KCNK2: variants seen among roughly 807,000 people sequenced by gnomAD.
The protein encoded by KCNK2 is potassium two pore domain channel subfamily K member 2.
Under a neutral mutation model 40.5 loss-of-function variants are expected in KCNK2, and 21 were observed. The ratio of observed to expected loss-of-function variants is 0.52; its 90% CI spans 0.37 to 0.75. KCNK2 has a LOEUF of 0.75. KCNK2 is among the 30% of genes least tolerant of loss of function. The probability of loss-of-function intolerance (pLI) is 0.00; values close to 1 mark genes in which losing one functional copy is unlikely to be tolerated. For synonymous variants in KCNK2, 191 were observed against 202.2 expected (o/e 0.94, Z 0.47); for missense variants, 399 against 531.6 (o/e 0.75, Z 2.45).
At chr1:215,037,971 G>A (rs1571862853) in intron 1 of KCNK2, among the ~76,000 whole-genome samples, 2 of 151,800 alleles carry the variant, frequency 1.3e-5, no homozygotes, top group Non-Finnish European at 2.9e-5. Context: ...TACCTTAGGT[G>A]GTAGAAGGCA....
chr1:215,230,544 C>T (rs559967762), intron 6 of KCNK2, among the ~76,000 whole-genome samples: 20,870 of 109,192 alleles, frequency 0.19, 2,620 homozygotes, highest in African/African-American at 0.27. Context: ...TATATATATA[C>T]ACACACATAA....
chr1:215,211,074 C>T (rs1665724546), intron 6 of KCNK2, among the ~76,000 whole-genome samples: 2 of 152,082 alleles, frequency 1.3e-5, no homozygotes, highest in Admixed American at 1.3e-4. Flanking sequence ...AAACATGAGT[C>T]GTATCATGTT....
intron 2 of KCNK2, among the ~76,000 whole-genome samples, chr1:215,088,111 C>A (rs1171956483): frequency 6.6e-6 from 1 of 151,934 alleles, no homozygotes; most frequent in African/African-American, 2.4e-5. Context: ...CTTCCCTGGT[C>A]CCATGTAAGA....
At chr1:215,059,376 T>C (rs1658289793) in intron 1 of KCNK2, among the ~76,000 whole-genome samples, 1 of 152,160 alleles carries the variant, frequency 6.6e-6, no homozygotes, top group African/African-American at 2.4e-5. Flanking sequence ...TTATAGGTAA[T>C]CAACCCTATA....
At chr1:215,065,724 A>C (rs1384780253) in intron 1 of KCNK2, among the ~76,000 whole-genome samples, 1 of 152,208 alleles carries the variant, frequency 6.6e-6, no homozygotes, top group Non-Finnish European at 1.5e-5. Context: ...TTAGATGGCA[A>C]AATTTGGACA....
Position 215,169,984 on chromosome 1 carries a change from C to T in KCNK2, c.636+625C>T, listed in dbSNP as rs1434942331. Among the ~76,000 whole-genome samples, 3 of 152,158 alleles carry T rather than the reference C, an allele frequency of 2.0e-5. No homozygotes were observed. The East Asian group carries it at 5.8e-4, about 29-fold the overall frequency. ...ATATGTAGTGTCTCCCAGCTATATT[C>T]TCTTAAACTAGTTATTATCCCATCA... On this transcript the variant is annotated intron_variant, in intron 4 of 6. Coordinates refer to ENST00000444842, the MANE Select transcript of KCNK2 (RefSeq NM_001017425.3).
At chr1:215,131,293 A>C (rs1212649032) in intron 3 of KCNK2, among the ~76,000 whole-genome samples, 1 of 149,406 alleles carries the variant, frequency 6.7e-6, no homozygotes, top group African/African-American at 2.4e-5. Context: ...ATGTAAGAAG[A>C]TTTTATTACT....
At chr1:215,229,460 T>C (rs1237392609) in intron 6 of KCNK2, among the ~76,000 whole-genome samples, 1 of 151,942 alleles carries the variant, frequency 6.6e-6, no homozygotes, top group Non-Finnish European at 1.5e-5. Flanking sequence ...GCTCACAAGA[T>C]TGAGACCAGC....
intron 1 of KCNK2, among the ~76,000 whole-genome samples, chr1:215,068,949 C>T (rs146515269): frequency 6.6e-6 from 1 of 152,192 alleles, no homozygotes; most frequent in Non-Finnish European, 1.5e-5. Flanking sequence ...TATCAGTGTC[C>T]AGAAAACAAC....
At chr1:215,073,305 T>G (rs945976872) in intron 1 of KCNK2, among the ~76,000 whole-genome samples, 18 of 152,158 alleles carry the variant, frequency 1.2e-4, no homozygotes, top group Admixed American at 1.1e-3. Context: ...TTTGGCACTT[T>G]GTTATAGCAG....
At chr1:215,007,183 GGGTATATATATATA>G (rs1183604515) in intron 1 of KCNK2, among the ~76,000 whole-genome samples, 26 of 83,618 alleles carry the variant, frequency 3.1e-4, no homozygotes, top group South Asian at 6.3e-4. Context: ...GTATGTGTGT[GGGTATATATATATA>G]TATATATATA....
chr1:215,120,475 A>G (rs183513697), intron 2 of KCNK2, among the ~76,000 whole-genome samples: 6 of 152,314 alleles, frequency 3.9e-5, no homozygotes, highest in East Asian at 1.9e-4. Flanking sequence ...CGTAAAATCT[A>G]AAAATATACT....
At chr1:215,075,962 G>A (rs567260542) in intron 1 of KCNK2, among the ~76,000 whole-genome samples, 35 of 152,336 alleles carry the variant, frequency 2.3e-4, no homozygotes, top group Non-Finnish European at 3.7e-4. Flanking sequence ...AGGTACTTTG[G>A]GGGTGGGCCC....
At chr1:215,028,865 T>C (rs1434284638) in intron 1 of KCNK2, among the ~76,000 whole-genome samples, 1 of 152,308 alleles carries the variant, frequency 6.6e-6, no homozygotes, top group Non-Finnish European at 1.5e-5. Context: ...TCTTGCTGTG[T>C]TTGAATTTCA....
rs766967584 is a variant in KCNK2 at position 215,083,402 on chromosome 1, C to G, written c.17C>G (p.Ser6Trp). The G allele has an allele frequency of 5.0e-6, 8 of 1,613,846 alleles. No individual in the cohort carries two copies. In the Admixed American group the frequency reaches 6.7e-5, roughly 13 times the overall value. ...GCATGCCTCATGCTTCCCAGCGCCT[C>G]GCGGGAGAGACCCGGCTATAGAGCA... MLPSA[S>W]RERPGYRAGV... is the part of the protein sequence containing the mutation. The change falls in exon 1 of 7, where the codon TCG becomes TGG. Residue 6 changes from serine (S) to tryptophan (W), a missense_variant. Physicochemically the swap from Ser to Trp is radical, Grantham distance 177. Coordinates refer to ENST00000444842, the MANE Select transcript of KCNK2 (RefSeq NM_001017425.3).
At chr1:215,072,471 A>G (rs1658792149) in intron 1 of KCNK2, among the ~76,000 whole-genome samples, 1 of 152,258 alleles carries the variant, frequency 6.6e-6, no homozygotes, top group Non-Finnish European at 1.5e-5. Flanking sequence ...TTAAAATTGC[A>G]TTAGTTGCCT....
At chr1:215,046,224 T>C (rs895493806) in intron 1 of KCNK2, among the ~76,000 whole-genome samples, 1 of 152,144 alleles carries the variant, frequency 6.6e-6, no homozygotes, top group African/African-American at 2.4e-5. Flanking sequence ...AAAATATGAT[T>C]TGAGAAATAC....
At chr1:215,083,474 C>A in intron 1 of KCNK2, 43 bp downstream of exon 1, 1 of 1,419,468 alleles carries the variant, frequency 7.0e-7, no homozygotes, top group Non-Finnish European at 1.0e-6. Flanking sequence ...TGGCCGCACG[C>A]TCTCCTGCCC....
intron 5 of KCNK2, among the ~76,000 whole-genome samples, chr1:215,173,119 C>T (rs982615519): frequency 3.3e-4 from 50 of 152,214 alleles, no homozygotes; most frequent in African/African-American, 1.1e-3. Flanking sequence ...TCCCTCCCCG[C>T]TCCCTCCACC....
Sources: allele counts gnomAD v4.1 joint callset (sites outside exome capture counted in the v4.1 genomes callset), GRCh38; gene constraint gnomAD v4.1.1; transcripts MANE v1.5; gene names NCBI Gene and HGNC (gene_info 2026-07-23, HGNC 2026-07-21).